Variants in STK3 observed in about 807,000 individuals in gnomAD.
STK3 encodes the protein serine/threonine-protein kinase 3.
STK3 carries 41 observed loss-of-function variants against 58.0 expected under a neutral mutation model. The observed-to-expected ratio is 0.71, with a 90% confidence interval of 0.55 to 0.92. STK3 has a LOEUF of 0.92. Among genes scored for constraint, STK3 ranks in the 40% least tolerant of loss-of-function variants. The probability of loss-of-function intolerance (pLI) is 0.00; values close to 1 mark genes in which losing one functional copy is unlikely to be tolerated. For missense variants in STK3, 479 were observed against 602.7 expected, an observed-to-expected ratio of 0.79 and a Z score of 2.15; for synonymous variants, 170 against 191.0, an observed-to-expected ratio of 0.89 and a Z score of 0.91.
chr8:98,818,414 T>C (rs1339094243), intron 1 of STK3, among the ~76,000 whole-genome samples: 1 of 152,168 alleles, frequency 6.6e-6, no homozygotes, highest in South Asian at 2.1e-4. Flanking sequence ...CCATGAGTAG[T>C]GATCAGTAAG....
intron 6 of STK3, among the ~76,000 whole-genome samples, chr8:98,633,043 T>A (rs571542229): frequency 6.6e-6 from 1 of 152,306 alleles, no homozygotes; most frequent in South Asian, 2.1e-4. Flanking sequence ...CATGCTGCTA[T>A]CAATAACTTC....
chr8:98,707,374 A>G, intron 4 of STK3, 63 bp from the exon 5 acceptor site: 1 of 1,236,174 alleles, frequency 8.1e-7, no homozygotes, highest in Non-Finnish European at 1.1e-6. Context: ...CTTACGAAAG[A>G]GCACTAGTAA....
chr8:98,581,208 A>C (rs1478322978), intron 7 of STK3, among the ~76,000 whole-genome samples: 2 of 152,154 alleles, frequency 1.3e-5, no homozygotes, highest in African/African-American at 4.8e-5. Flanking sequence ...TTACTAATGG[A>C]TAAGGGTGAG....
chr8:98,494,352 C>T (rs1203922446), intron 10 of STK3, among the ~76,000 whole-genome samples: 4 of 152,166 alleles, frequency 2.6e-5, no homozygotes, highest in African/African-American at 9.7e-5. Context: ...CTAACAGCAT[C>T]CCTTTTCTCT....
chr8:98,444,289 T>G (rs1818838127), intron 1 of STK3, among the ~76,000 whole-genome samples: 1 of 152,154 alleles, frequency 6.6e-6, no homozygotes. Flanking sequence ...GCTAGGCAGA[T>G]GTAGGTCACT....
intron 6 of STK3, among the ~76,000 whole-genome samples, chr8:98,699,991 G>T (rs996304377): frequency 6.6e-6 from 1 of 152,222 alleles, no homozygotes; most frequent in Non-Finnish European, 1.5e-5. Context: ...AGGCAGGCAG[G>T]CCTCCTTGAG....
chr8:98,406,424 A>AT (rs1361119585), intron 3 of STK3, among the ~76,000 whole-genome samples: 2 of 151,786 alleles, frequency 1.3e-5, no homozygotes, highest in African/African-American at 2.4e-5. Context: ...GTACCCAATC[A>AT]TTTTTCAACC....
rs146812472 is a variant in STK3 at position 98,598,695 on chromosome 8, C to A, written c.685-2526G>T. Reference sequence around the variant, plus strand: ...GACTAACAATTCATTCCCTTGCCACCAACCAAATCACAGGGACACACATTA... The same window carrying A: ...GACTAACAATTCATTCCCTTGCCACAAACCAAATCACAGGGACACACATTA... On this transcript the variant is annotated intron_variant, in intron 6 of 10. Transcript: ENST00000419617. The A allele has an allele frequency of 1.5e-3, 1,472 of 985,312 alleles. 15 individuals are homozygous for A. In the African/African-American group the frequency reaches 0.023, roughly 16 times the overall value. The allele number at this position is 985,312 out of a possible 1,614,324, so 61.0% of individuals were successfully genotyped here. A position where few individuals can be genotyped will look rare whatever the true frequency, so the allele number is the denominator to read the frequency against.
At chr8:98,823,104 G>A (rs538374538) in intron 1 of STK3, among the ~76,000 whole-genome samples, 7 of 152,160 alleles carry the variant, frequency 4.6e-5, no homozygotes, top group Non-Finnish European at 1.0e-4. Context: ...TGGGTTTTAT[G>A]GGGTAGTACT....
At chr8:98,482,850 G>A in intron 10 of STK3, among the ~76,000 whole-genome samples, 1 of 151,998 alleles carries the variant, frequency 6.6e-6, no homozygotes, top group East Asian at 1.9e-4. Context: ...GGTATTTCTC[G>A]ATTCCTCAAA....
intron 6 of STK3, among the ~76,000 whole-genome samples, chr8:98,651,957 A>T (rs1287878723): frequency 6.6e-6 from 1 of 152,008 alleles, no homozygotes. Flanking sequence ...GCAGGCCAAC[A>T]TTCAGATTCA....
At chr8:98,759,624 G>GCCA (rs1412611680) in intron 3 of STK3, among the ~76,000 whole-genome samples, 1 of 151,816 alleles carries the variant, frequency 6.6e-6, no homozygotes, top group Non-Finnish European at 1.5e-5. Context: ...CAGTACAGTT[G>GCCA]CCACAAACCT....
At chr8:98,608,123 A>C (rs1274239645) in intron 6 of STK3, among the ~76,000 whole-genome samples, 1 of 152,182 alleles carries the variant, frequency 6.6e-6, no homozygotes, top group Non-Finnish European at 1.5e-5. Context: ...GAATATCATA[A>C]TTACCAGAAA....
rs183458801 is a variant in STK3 at position 98,554,762 on chromosome 8, T to C, written c.949-6601A>G. ...AGAAAACTCACTTATAATTTGGTGA[T>C]GGTGTTGAAAACTTTTAAGCCACAG... On this transcript the variant is annotated intron_variant, in intron 8 of 10. Coordinates refer to ENST00000419617, the MANE Select transcript of STK3 (RefSeq NM_006281.4). Among the ~76,000 whole-genome samples, 208 of 152,280 alleles carry C rather than the reference T, an allele frequency of 1.4e-3. 1 individual carries two copies. The highest frequency in any genetic ancestry group is 4.9e-3 in the African/African-American group (203 of 41,580).
At chr8:98,522,522 T>C (rs1484586140) in intron 10 of STK3, among the ~76,000 whole-genome samples, 1 of 152,182 alleles carries the variant, frequency 6.6e-6, no homozygotes, top group Non-Finnish European at 1.5e-5. Flanking sequence ...GTGCAAATTC[T>C]TTCCCCTCTT....
At chr8:98,861,318 G>C (rs1587764709) in intron 3 of STK3, among the ~76,000 whole-genome samples, 1 of 130,002 alleles carries the variant, frequency 7.7e-6, no homozygotes, top group Middle Eastern at 4.3e-3. Context: ...GTCTTGCAAT[G>C]TATTCTTAGG....
chr8:98,437,507 T>C (rs1344042846), intron 1 of STK3: 2 of 152,076 alleles, frequency 1.3e-5, no homozygotes, highest in East Asian at 1.9e-4. Flanking sequence ...AGGAACAGAA[T>C]TGGGGTTCTT....
chr8:98,433,205 G>T (rs947465424), intron 3 of STK3, among the ~76,000 whole-genome samples: 1 of 152,084 alleles, frequency 6.6e-6, no homozygotes, highest in Non-Finnish European at 1.5e-5. Context: ...CTGTATTCTT[G>T]TAACTCTTGT....
At chr8:98,488,611 A>G (rs1053138306) in intron 10 of STK3, among the ~76,000 whole-genome samples, 1 of 152,182 alleles carries the variant, frequency 6.6e-6, no homozygotes, top group Non-Finnish European at 1.5e-5. Flanking sequence ...TTGGGTAGAA[A>G]AAAATGCATC....
Sources: allele counts gnomAD v4.1 joint callset (sites outside exome capture counted in the v4.1 genomes callset), GRCh38; gene constraint gnomAD v4.1.1; transcripts MANE v1.5; gene names NCBI Gene and HGNC (gene_info 2026-07-23, HGNC 2026-07-21).